CTNNAL1: variants seen among roughly 807,000 people sequenced by gnomAD.
CTNNAL1 encodes alpha-catulin.
In CTNNAL1, 69 loss-of-function variants were observed where a neutral mutation model predicts 93.6. The ratio of observed to expected loss-of-function variants is 0.74; its 90% CI spans 0.61 to 0.90. CTNNAL1 has a LOEUF of 0.90. Ranked by LOEUF, CTNNAL1 falls within the 40% of genes least tolerant of loss-of-function variation. CTNNAL1 has a pLI of 0.00. For synonymous variants in CTNNAL1, 286 were observed against 305.4 expected (o/e 0.94, Z 0.66); for missense variants, 836 against 862.0 (o/e 0.97, Z 0.38).
chr9:108,999,164 T>C lies in CTNNAL1; in HGVS notation c.234A>G (p.Ala78=). ...CTCCTACTTTAACAAATCTTCCAACTGCCAAGTTGACAGCTTGTCCTACAC... is the reference window on the plus strand; with the variant it reads ...CTCCTACTTTAACAAATCTTCCAACCGCCAAGTTGACAGCTTGTCCTACAC... ...IQRVGQAVNL[A]VGRFVKVGEA... is the part of the protein sequence containing the mutation. The change falls in exon 2 of 19, where the codon GCA becomes GCG. Residue 78 remains alanine, a synonymous_variant. Transcript: ENST00000325551. The C allele has an allele frequency of 6.2e-7, 1 of 1,613,914 alleles. No homozygotes were observed. Among genetic ancestry groups the C allele is most frequent in the Non-Finnish European group, 8.5e-7 (1 of 1,179,892 alleles).
At chr9:108,943,658 C>T in intron 17 of CTNNAL1, 45 bp downstream of exon 17, 1 of 1,510,046 alleles carries the variant, frequency 6.6e-7, no homozygotes, top group Non-Finnish European at 9.0e-7. Context: ...GGGCTTTAAC[C>T]AGATAAAGAT....
chr9:109,003,118 A>G (rs1826901802), intron 1 of CTNNAL1, among the ~76,000 whole-genome samples: 1 of 152,208 alleles, frequency 6.6e-6, no homozygotes, highest in Non-Finnish European at 1.5e-5. Flanking sequence ...CGACTATAAA[A>G]TCTTAAGATC....
intron 14 of CTNNAL1, among the ~76,000 whole-genome samples, chr9:108,951,023 T>C (rs1392232743): frequency 6.6e-6 from 1 of 152,046 alleles, no homozygotes; most frequent in African/African-American, 2.4e-5. Flanking sequence ...TATTTATTTA[T>C]TTTTGAGATG....
chr9:108,993,208 C>CGA (rs1012003112), intron 2 of CTNNAL1, among the ~76,000 whole-genome samples: 10 of 152,126 alleles, frequency 6.6e-5, no homozygotes, highest in Non-Finnish European at 1.5e-4. Flanking sequence ...TGGGCTGGGG[C>CGA]GAGGCCGGGG....
rs1447102967 is a variant in CTNNAL1, at chr9:108,970,498, C to T, written c.1348-4G>A. The T allele has an allele frequency of 1.9e-6, 3 of 1,608,072 alleles. No homozygotes were observed. Among genetic ancestry groups the T allele is most frequent in the Non-Finnish European group, 2.5e-6 (3 of 1,177,548 alleles). ...TGTGTCGTAACAATCGACAGGTCTA[C>T]AAGACAATATGTCTACAGTTTAACT... On this transcript the variant is annotated splice_polypyrimidine_tract_variant and splice_region_variant and intron_variant, in intron 9 of 18. Coordinates refer to ENST00000325551, the MANE Select transcript of CTNNAL1 (RefSeq NM_003798.4).
chr9:108,979,257 T>A, intron 7 of CTNNAL1, 24 bp downstream of exon 7: 1 of 1,613,558 alleles, frequency 6.2e-7, no homozygotes, highest in Non-Finnish European at 8.5e-7. Context: ...TAAGATTTAC[T>A]TTGATTTTAA....
At chr9:108,991,005 A>G (rs548544230) in intron 3 of CTNNAL1, among the ~76,000 whole-genome samples, 160 bp from the exon 4 acceptor site, 2 of 152,362 alleles carry the variant, frequency 1.3e-5, no homozygotes, top group South Asian at 4.1e-4. Flanking sequence ...TCAGAGAAGT[A>G]GAAGTAGATT....
At chr9:109,002,757 G>A (rs530869502) in intron 1 of CTNNAL1, among the ~76,000 whole-genome samples, 50 of 152,110 alleles carry the variant, frequency 3.3e-4, no homozygotes, top group Non-Finnish European at 6.5e-4. Flanking sequence ...GCCGAGGCAG[G>A]CAGATCACCT....
At chr9:109,012,356 T>A (rs28361102) in intron 1 of CTNNAL1, among the ~76,000 whole-genome samples, 30,229 of 152,096 alleles carry the variant, frequency 0.2, 3,126 homozygotes, top group Admixed American at 0.23. Context: ...ATCTTTAAGA[T>A]TTCTTCTACC....
chr9:108,950,742 C>G (rs1337432223), intron 14 of CTNNAL1: 3 of 1,016,894 alleles, frequency 3.0e-6, no homozygotes, highest in Non-Finnish European at 4.2e-6. Flanking sequence ...CACATTAACC[C>G]TTTCTTTTCT....
At chr9:109,000,997 C>G (rs1329999269) in intron 1 of CTNNAL1, among the ~76,000 whole-genome samples, 4 of 130,980 alleles carry the variant, frequency 3.1e-5, no homozygotes, top group Non-Finnish European at 5.0e-5. Context: ...CCCATCTGTA[C>G]TAAAAATACA....
chr9:108,959,316 G>C (rs1830765961), intron 11 of CTNNAL1, among the ~76,000 whole-genome samples: 1 of 136,152 alleles, frequency 7.3e-6, no homozygotes, highest in South Asian at 2.4e-4. Flanking sequence ...AGTGAGCTGA[G>C]ATCACGCCAC....
chr9:108,948,325 T>A, intron 14 of CTNNAL1, 91 bp from the exon 15 acceptor site: 1 of 1,195,380 alleles, frequency 8.4e-7, no homozygotes, highest in Non-Finnish European at 1.2e-6. Flanking sequence ...ATTTGTGTAT[T>A]AACAAATCCT....
chr9:108,970,900 A>G (rs1005057719), intron 9 of CTNNAL1, among the ~76,000 whole-genome samples: 5 of 152,200 alleles, frequency 3.3e-5, no homozygotes, highest in Admixed American at 1.3e-4. Flanking sequence ...TACAAGCTAC[A>G]TGTTCTATCA....
chr9:109,013,251 C>A, intron 1 of CTNNAL1, 51 bp downstream of exon 1: 1 of 1,429,308 alleles, frequency 7.0e-7, no homozygotes, highest in Non-Finnish European at 9.2e-7. Context: ...CGGCCGCCAT[C>A]GCGGGCCGCG....
intron 7 of CTNNAL1, 126 bp from the exon 8 acceptor site, chr9:108,977,174 T>C: frequency 2.2e-6 from 1 of 444,536 alleles, no homozygotes; most frequent in Non-Finnish European, 3.9e-6. Flanking sequence ...AAGTAGATTT[T>C]CAAAATTTAC....
At chr9:108,950,685 T>A in intron 14 of CTNNAL1, 3 of 1,466,336 alleles carry the variant, frequency 2.0e-6, no homozygotes, top group Non-Finnish European at 2.7e-6. Flanking sequence ...AGGAGGTGGA[T>A]GCTCATCTTT....
intron 8 of CTNNAL1, 31 bp from the exon 9 acceptor site, chr9:108,972,864 G>GGGGGGGGGGGGGGCCCCC: frequency 7.0e-6 from 1 of 142,572 alleles, no homozygotes; most frequent in Non-Finnish European, 1.0e-5. Flanking sequence ...GGGGGGGTGG[G>GGGGGGGGGGGGGGCCCCC]AGGGTGGAGA....
intron 10 of CTNNAL1, 86 bp downstream of exon 10, chr9:108,970,316 A>G: frequency 1.8e-5 from 22 of 1,224,140 alleles, no homozygotes. Flanking sequence ...TAGTTATGAA[A>G]AACCATTTAT....
Sources: allele counts gnomAD v4.1 joint callset (sites outside exome capture counted in the v4.1 genomes callset), GRCh38; gene constraint gnomAD v4.1.1; transcripts MANE v1.5; gene names NCBI Gene and HGNC (gene_info 2026-07-23, HGNC 2026-07-21).